Variants in RYR2 observed in about 807,000 individuals in gnomAD.
RYR2 encodes ryanodine receptor 2.
A neutral mutation model predicts 601.1 loss-of-function variants in RYR2; 227 were observed. That is an observed-to-expected ratio of 0.38 (90% CI 0.34 to 0.42). The LOEUF is 0.42. Among genes scored for constraint, RYR2 ranks in the 10% least tolerant of loss-of-function variants. RYR2 has a pLI of 1.00. For synonymous variants in RYR2, 2,223 were observed against 2,175.1 expected (o/e 1.02, Z -0.61); for missense variants, 4,646 against 6,156.5 (o/e 0.75, Z 8.21).
At chr1:237,374,264 A>G (rs1700855028) in intron 6 of RYR2, among the ~76,000 whole-genome samples, 1 of 152,042 alleles carries the variant, frequency 6.6e-6, no homozygotes. Context: ...GCTCATGCCT[A>G]TAATCCCGGC....
chr1:237,118,580 G>A (rs533097677), intron 1 of RYR2, among the ~76,000 whole-genome samples: 1 of 151,910 alleles, frequency 6.6e-6, no homozygotes. Flanking sequence ...AAAATAGGGA[G>A]TTATTGTTTG....
intron 1 of RYR2, among the ~76,000 whole-genome samples, chr1:237,097,585 C>T (rs566904300): frequency 2.6e-5 from 4 of 152,252 alleles, no homozygotes; most frequent in African/African-American, 9.6e-5. Context: ...CACCATCTTC[C>T]AGTATAGGAG....
At chr1:237,565,302 A>G (rs1671950199) in intron 27 of RYR2, among the ~76,000 whole-genome samples, 1 of 32,930 alleles carries the variant, frequency 3.0e-5, no homozygotes, top group African/African-American at 5.6e-5. Context: ...ATCTCACTCT[A>G]TCACCCAGGC....
chr1:237,611,718 G>C (rs1212765196), intron 36 of RYR2, among the ~76,000 whole-genome samples: 2 of 152,154 alleles, frequency 1.3e-5, no homozygotes, highest in African/African-American at 2.4e-5. Flanking sequence ...AGTCATGAAA[G>C]TAATGCACAA....
chr1:237,642,684 C>T (rs1681688258), intron 47 of RYR2, among the ~76,000 whole-genome samples: 1 of 152,112 alleles, frequency 6.6e-6, no homozygotes, highest in South Asian at 2.1e-4. Flanking sequence ...TAAACAGATG[C>T]CCATCCCGGC....
chr1:237,726,378 C>A, intron 75 of RYR2, 70 bp downstream of exon 75: 1 of 943,366 alleles, frequency 1.1e-6, no homozygotes, highest in Middle Eastern at 2.2e-4. Flanking sequence ...TTTTTTCTTT[C>A]TAATACAATT....
At chr1:237,322,455 G>A (rs1402935047) in intron 2 of RYR2, among the ~76,000 whole-genome samples, 2 of 152,074 alleles carry the variant, frequency 1.3e-5, no homozygotes, top group African/African-American at 4.8e-5. Flanking sequence ...GGCTGTTGTG[G>A]CAAAGGTCAT....
At position 237,626,580 on chromosome 1, in the gene RYR2, C is replaced by CTTTTTTTTTTTTTTTT. The variant is rs60885998; in HGVS notation, c.6166+792_6166+807dup. ...TTCTTTTCTTTTTCTTTTTCTTTTTCTTTTTTTTTTTTTTTTTTTTTTTTT... is the reference window on the plus strand; with the variant it reads ...TTCTTTTCTTTTTCTTTTTCTTTTTCTTTTTTTTTTTTTTTTTTTTTTTTTTTTTTTTTTTTTTTTT... On this transcript the variant is annotated intron_variant, in intron 40 of 104. Transcript: ENST00000366574. Among the ~76,000 whole-genome samples, 34 of 40,064 alleles carry CTTTTTTTTTTTTTTTT rather than the reference C, an allele frequency of 8.5e-4. 1 individual carries two copies. Among genetic ancestry groups the CTTTTTTTTTTTTTTTT allele is most frequent in the African/African-American group, 1.3e-3 (14 of 10,450 alleles). 26.3% of individuals were successfully genotyped at this position (40,064 alleles called of 152,430 possible).
chr1:237,307,958 G>A (rs1393734231), intron 2 of RYR2, among the ~76,000 whole-genome samples: 2 of 151,348 alleles, frequency 1.3e-5, no homozygotes, highest in Non-Finnish European at 3.0e-5. Flanking sequence ...GGGACTTGCT[G>A]AGACTCCATC....
chr1:237,203,588 A>G (rs957830569), intron 1 of RYR2, among the ~76,000 whole-genome samples: 1 of 152,220 alleles, frequency 6.6e-6, no homozygotes, highest in Non-Finnish European at 1.5e-5. Context: ...TGTTACTTAC[A>G]ATGGTAAAAA....
chr1:237,781,434 C>T, intron 88 of RYR2, 131 bp from the exon 89 acceptor site: 1 of 574,256 alleles, frequency 1.7e-6, no homozygotes, highest in East Asian at 2.9e-5. Flanking sequence ...ATTTGGCCCT[C>T]CTTTAGTTCC....
chr1:237,454,404 C>G lies in RYR2; in HGVS notation c.1306C>G (p.Leu436Val). 1 of 1,607,802 alleles carries G rather than the reference C, an allele frequency of 6.2e-7. No individual in the cohort carries two copies. Among genetic ancestry groups the G allele is most frequent in the South Asian group, 1.1e-5 (1 of 90,062 alleles). ...FNRFIRGLDA[L>V]SKKAKASTVD... ...GGTTTATTTTAGGGGCCTTGATGCTCTCAGCAAGAAAGCGAAGGCTTCCAC... is the reference window on the plus strand; with the variant it reads ...GGTTTATTTTAGGGGCCTTGATGCTGTCAGCAAGAAAGCGAAGGCTTCCAC... Residue 436 changes from leucine to valine, a missense_variant, in exon 15 of 105, where the codon CTC (leucine) becomes GTC (valine). This residue lies in a region of RYR2 where 1,807 missense variants were observed against 2,088.1 expected (regional missense o/e 0.87). Transcript: ENST00000366574.
At chr1:237,641,705 C>T (rs961369869) in intron 47 of RYR2, among the ~76,000 whole-genome samples, 1 of 152,098 alleles carries the variant, frequency 6.6e-6, no homozygotes, top group East Asian at 1.9e-4. Context: ...CCACGCCCAA[C>T]TAATTTTTGT....
chr1:237,648,111 C>T (rs1682360758), intron 48 of RYR2, among the ~76,000 whole-genome samples: 1 of 152,196 alleles, frequency 6.6e-6, no homozygotes, highest in Non-Finnish European at 1.5e-5. Context: ...ATCCCCACTT[C>T]ACATTTTCAC....
chr1:237,611,072 C>A, intron 36 of RYR2, 84 bp downstream of exon 36: 1 of 1,158,544 alleles, frequency 8.6e-7, no homozygotes, highest in Non-Finnish European at 1.2e-6. Flanking sequence ...TGGTGCGGGG[C>A]AGGGGTGGTT....
intron 3 of RYR2, among the ~76,000 whole-genome samples, chr1:237,334,933 T>C (rs1223425112): frequency 6.6e-6 from 1 of 152,222 alleles, no homozygotes; most frequent in Non-Finnish European, 1.5e-5. Context: ...AACTTTATCA[T>C]CAAGGCTTAG....
chr1:237,713,982 G>A (rs557904862), intron 71 of RYR2, among the ~76,000 whole-genome samples: 1 of 151,046 alleles, frequency 6.6e-6, no homozygotes, highest in South Asian at 2.1e-4. Context: ...GGGAATATTA[G>A]AAAATTTTTT....
intron 80 of RYR2, among the ~76,000 whole-genome samples, chr1:237,742,951 C>T (rs1691739907): frequency 6.6e-6 from 1 of 152,152 alleles, no homozygotes; most frequent in Admixed American, 6.5e-5. Flanking sequence ...TTACTTAGCC[C>T]AAAGGAAAGT....
intron 1 of RYR2, among the ~76,000 whole-genome samples, chr1:237,227,766 G>A (rs1684547438): frequency 1.3e-5 from 2 of 152,182 alleles, no homozygotes; most frequent in South Asian, 4.1e-4. Context: ...CTGAGCTGCT[G>A]GGATGGAATC....
Sources: allele counts gnomAD v4.1 joint callset (sites outside exome capture counted in the v4.1 genomes callset), GRCh38; gene constraint gnomAD v4.1.1; regional missense constraint gnomAD v4.1.1; transcripts MANE v1.5; gene names NCBI Gene and HGNC (gene_info 2026-07-23, HGNC 2026-07-21).